Variants in MREG observed in about 807,000 individuals in gnomAD.
MREG encodes melanoregulin.
A neutral mutation model predicts 28.5 loss-of-function variants in MREG; 31 were observed. The observed-to-expected ratio is 1.09, with a 90% CI of 0.82 to 1.47. MREG has a LOEUF of 1.47. MREG is among the 40% of genes most tolerant of loss of function. The pLI is 0.00. For synonymous variants in MREG, 106 were observed against 95.2 expected (o/e 1.11, Z -0.66); for missense variants, 256 against 257.4 (o/e 0.99, Z 0.04).
chr2:215,972,631 A>T (rs1693134469), intron 2 of MREG, among the ~76,000 whole-genome samples: 2 of 152,102 alleles, frequency 1.3e-5, no homozygotes, highest in Admixed American at 1.3e-4. Context: ...AAAAAAAAAA[A>T]AAAAAAGGAT....
rs187966522 is a variant in MREG at position 216,021,138 on chromosome 2, G to T, written c.-68+11651C>A. On this transcript the variant is annotated intron_variant, in intron 1 of 3. Coordinates refer to the MREG transcript ENST00000420348. ...AGGGGCCCAAGAATCCATGTTTTTAGTATTTGTCGGGCTTTTTAGGCTTTT... is the reference window on the plus strand; with the variant it reads ...AGGGGCCCAAGAATCCATGTTTTTATTATTTGTCGGGCTTTTTAGGCTTTT... 6.6e-5 allele frequency among the ~76,000 whole-genome samples: 10 copies of T among 152,278 alleles called. No homozygotes were observed. The East Asian group carries it at 1.9e-3, about 29-fold the overall frequency.
intron 1 of MREG, among the ~76,000 whole-genome samples, chr2:216,002,815 CTT>C (rs1416929561): frequency 6.2e-5 from 9 of 144,570 alleles, no homozygotes; most frequent in Non-Finnish European, 1.2e-4. Context: ...TCCCTCTCCT[CTT>C]TTCTTTCTTT....
intron 2 of MREG, among the ~76,000 whole-genome samples, chr2:215,985,245 A>G (rs1036557966): frequency 3.9e-5 from 6 of 152,270 alleles, no homozygotes; most frequent in Admixed American, 2.0e-4. Flanking sequence ...ATATTTCATT[A>G]ACAATTATTA....
intron 1 of MREG, among the ~76,000 whole-genome samples, chr2:216,002,354 G>A (rs548969705): frequency 6.0e-4 from 91 of 152,296 alleles, no homozygotes; most frequent in African/African-American, 2.0e-3. Context: ...GCTATTTACC[G>A]AGAGTTCCTC....
At chr2:215,993,686 C>T (rs1693781367) in intron 2 of MREG, among the ~76,000 whole-genome samples, 1 of 152,110 alleles carries the variant, frequency 6.6e-6, no homozygotes, top group South Asian at 2.1e-4. Flanking sequence ...GGGCTAATAT[C>T]CAGAATCTAC....
intron 2 of MREG, among the ~76,000 whole-genome samples, chr2:215,954,654 T>G (rs146953830): frequency 1.4e-4 from 21 of 152,248 alleles, no homozygotes; most frequent in African/African-American, 5.1e-4. Context: ...AAAGAATGAC[T>G]ATTGTTGTTT....
intron 1 of MREG, among the ~76,000 whole-genome samples, chr2:216,026,049 C>T (rs1372898205): frequency 6.6e-6 from 1 of 152,164 alleles, no homozygotes; most frequent in African/African-American, 2.4e-5. Context: ...GAAGTACTGA[C>T]ATATGCTACA....
intron 1 of MREG, among the ~76,000 whole-genome samples, chr2:216,005,829 T>A (rs1272161394): frequency 2.5e-5 from 3 of 119,776 alleles, no homozygotes; most frequent in African/African-American, 3.5e-5. Context: ...CACAAGTTTT[T>A]AAAAGATTTT....
At chr2:215,958,123 G>T (rs1478115158) in intron 2 of MREG, among the ~76,000 whole-genome samples, 1 of 137,168 alleles carries the variant, frequency 7.3e-6, no homozygotes, top group Non-Finnish European at 1.6e-5. Flanking sequence ...GAGGGAGGGG[G>T]GAGGGATAGC....
chr2:215,993,091 G>A (rs1693764331), intron 2 of MREG, among the ~76,000 whole-genome samples: 1 of 152,124 alleles, frequency 6.6e-6, no homozygotes. Context: ...AACCAAATAA[G>A]AGCCCGTATA....
intron 1 of MREG, among the ~76,000 whole-genome samples, chr2:216,029,994 G>A (rs1694655689): frequency 1.3e-5 from 2 of 152,134 alleles, no homozygotes; most frequent in Non-Finnish European, 2.9e-5. Context: ...CTATCATGGT[G>A]GACCAGTCTC....
chr2:216,001,606 G>A (rs1169408984), intron 1 of MREG, among the ~76,000 whole-genome samples: 1 of 152,214 alleles, frequency 6.6e-6, no homozygotes, highest in Non-Finnish European at 1.5e-5. Context: ...CATAGGAAAG[G>A]TGGGGTGCCA....
At chr2:216,021,460 A>G (rs1694519555) in intron 1 of MREG, among the ~76,000 whole-genome samples, 1 of 152,196 alleles carries the variant, frequency 6.6e-6, no homozygotes, top group Non-Finnish European at 1.5e-5. Context: ...CTAAAATGAG[A>G]CAAATGAGGA....
rs1345547810 is a variant in MREG at position 216,030,964 on chromosome 2, A to T, written c.-68+1825T>A. ...CTCTCTCTCTCTCTCTCTCACACAC[A>T]CACACACACACACACACACACACAC... On this transcript the variant is annotated intron_variant, in intron 1 of 3. Coordinates refer to the MREG transcript ENST00000420348. 7.1e-4 allele frequency among the ~76,000 whole-genome samples: 104 copies of T among 146,586 alleles called. 1 individual carries two copies. Among genetic ancestry groups the T allele is most frequent in the African/African-American group, 2.6e-3 (101 of 38,120 alleles).
intron 1 of MREG, among the ~76,000 whole-genome samples, chr2:215,996,777 C>CT (rs35148406): frequency 0.53 from 78,811 of 148,890 alleles, 21,034 homozygotes; most frequent in Non-Finnish European, 0.59. Flanking sequence ...AAATTCAATT[C>CT]TTTTTTTTTT....
At chr2:215,977,940 A>T (rs890348418) in intron 2 of MREG, among the ~76,000 whole-genome samples, 11 of 152,244 alleles carry the variant, frequency 7.2e-5, no homozygotes, top group Non-Finnish European at 1.5e-4. Flanking sequence ...AAAGATCTAA[A>T]ATCGATACCC....
intron 1 of MREG, among the ~76,000 whole-genome samples, chr2:216,031,522 A>AGT (rs1694698951): frequency 6.7e-6 from 1 of 150,088 alleles, no homozygotes; most frequent in Non-Finnish European, 1.5e-5. Context: ...GAAGGAAGGG[A>AGT]AAAGAAAAGA....
intron 2 of MREG, among the ~76,000 whole-genome samples, chr2:215,959,801 T>C (rs1692729627): frequency 2.0e-5 from 3 of 152,186 alleles, no homozygotes; most frequent in Admixed American, 2.0e-4. Flanking sequence ...CTCCTTCCTC[T>C]GTGATCTAAA....
intron 2 of MREG, among the ~76,000 whole-genome samples, chr2:215,957,670 G>C (rs2105976247): frequency 6.6e-6 from 1 of 152,236 alleles, no homozygotes; most frequent in East Asian, 1.9e-4. Flanking sequence ...CTTCCGGACT[G>C]AGAAATCCCC....
Sources: allele counts gnomAD v4.1 joint callset (sites outside exome capture counted in the v4.1 genomes callset), GRCh38; gene constraint gnomAD v4.1.1; transcripts MANE v1.5; gene names NCBI Gene and HGNC (gene_info 2026-07-23, HGNC 2026-07-21).